BNC1: variants seen among roughly 807,000 people sequenced by gnomAD.
The protein encoded by BNC1 is zinc finger protein basonuclin-1.
In BNC1, 8 loss-of-function variants were observed where a neutral mutation model predicts 66.5. The ratio of observed to expected loss-of-function variants is 0.12; its 90% CI spans 0.07 to 0.22. The LOEUF (loss-of-function observed/expected upper bound fraction) is 0.22, where lower values mean the gene tolerates loss of function less well. BNC1 is among the 10% of genes least tolerant of loss of function. BNC1 has a pLI of 1.00. For synonymous variants in BNC1, 454 were observed against 452.6 expected (o/e 1.00, Z -0.04); for missense variants, 1,069 against 1,241.3 (o/e 0.86, Z 2.09).
intron 1 of BNC1, among the ~76,000 whole-genome samples, chr15:83,282,298 G>C (rs748649222): frequency 2.0e-5 from 3 of 152,140 alleles, no homozygotes; most frequent in Non-Finnish European, 4.4e-5. Context: ...ATAGTTTCTT[G>C]GTGAAATTAG....
At chr15:83,270,092 G>A (rs889730093) in intron 1 of BNC1, among the ~76,000 whole-genome samples, 5 of 152,230 alleles carry the variant, frequency 3.3e-5, no homozygotes, top group African/African-American at 4.8e-5. Flanking sequence ...TGGATAAGAA[G>A]TGACTGCTAG....
rs1051469468 is a variant in BNC1, at chr15:83,257,468, C to T, written c.2959G>A (p.Ala987Thr). The T allele has an allele frequency of 1.2e-6, 2 of 1,613,730 alleles. No homozygotes were observed. Among genetic ancestry groups the T allele is most frequent in the African/African-American group, 2.7e-5 (2 of 74,990 alleles). Reference protein sequence around the residue: ...SQNPNLHKSLASSPSHLQ With the variant: ...SQNPNLHKSLTSSPSHLQ ...TACTGGAGGTGACTTGGAGATGAGG[C>T]CAGGCTTTTGTGCAGGTTGGGATTC... The change falls in exon 5 of 5, where the codon GCC (alanine) becomes ACC (threonine). Residue 987 changes from alanine to threonine, a missense_variant. Ala to Thr is a moderately conservative substitution (Grantham distance 58). Coordinates refer to ENST00000345382, the MANE Select transcript of BNC1 (RefSeq NM_001717.4).
chr15:83,281,046 A>G (rs2038372881), intron 1 of BNC1, among the ~76,000 whole-genome samples: 1 of 152,182 alleles, frequency 6.6e-6, no homozygotes, highest in Non-Finnish European at 1.5e-5. Context: ...CTGTTTGCCG[A>G]TAACTAACTA....
intron 1 of BNC1, among the ~76,000 whole-genome samples, chr15:83,271,320 C>T (rs532178831): frequency 1.3e-5 from 2 of 152,168 alleles, no homozygotes; most frequent in Admixed American, 6.5e-5. Flanking sequence ...CTGTCTTCTA[C>T]GATTTATTTT....
chr15:83,279,408 A>G (rs2038356911), intron 1 of BNC1, among the ~76,000 whole-genome samples: 1 of 152,180 alleles, frequency 6.6e-6, no homozygotes, highest in African/African-American at 2.4e-5. Flanking sequence ...CAAATTAAAT[A>G]GTTTGAGTGG....
intron 3 of BNC1, among the ~76,000 whole-genome samples, chr15:83,266,495 C>A (rs761401707): frequency 6.6e-6 from 1 of 152,160 alleles, no homozygotes; most frequent in Non-Finnish European, 1.5e-5. Flanking sequence ...TCAGTAAAAT[C>A]TGATACAGAC....
chr15:83,266,002 T>C (rs1387716858), intron 3 of BNC1, among the ~76,000 whole-genome samples: 1 of 152,196 alleles, frequency 6.6e-6, no homozygotes, highest in African/African-American at 2.4e-5. Context: ...TCTAATGTAA[T>C]GGCAAGAAAA....
intron 2 of BNC1, among the ~76,000 whole-genome samples, chr15:83,267,554 T>C (rs546310763): frequency 2.0e-5 from 3 of 152,298 alleles, no homozygotes; most frequent in Non-Finnish European, 4.4e-5. Flanking sequence ...CATATGGCTA[T>C]TTACATTTAG....
At chr15:83,273,073 A>T (rs2038285036) in intron 1 of BNC1, among the ~76,000 whole-genome samples, 1 of 152,134 alleles carries the variant, frequency 6.6e-6, no homozygotes, top group Non-Finnish European at 1.5e-5. Context: ...ATTTTAAATA[A>T]TTTTGTCTAT....
intron 1 of BNC1, among the ~76,000 whole-genome samples, chr15:83,272,870 A>G (rs971620528): frequency 6.6e-6 from 1 of 152,142 alleles, no homozygotes; most frequent in Non-Finnish European, 1.5e-5. Flanking sequence ...GCTGTTCTGT[A>G]TGTACGACAT....
At chr15:83,260,200 A>C (rs772848789) in intron 4 of BNC1, among the ~76,000 whole-genome samples, 31 of 152,216 alleles carry the variant, frequency 2.0e-4, no homozygotes, top group Non-Finnish European at 3.5e-4. Flanking sequence ...GCAACAGAGC[A>C]TATGCAGAAG....
At chr15:83,260,343 A>T (rs555318178) in intron 4 of BNC1, among the ~76,000 whole-genome samples, 1 of 152,318 alleles carries the variant, frequency 6.6e-6, no homozygotes, top group Non-Finnish European at 1.5e-5. Flanking sequence ...ACATATGTTA[A>T]TATATAATTT....
At position 83,256,017 on chromosome 15, in the gene BNC1, C is replaced by CA. The variant is rs1024084378; in HGVS notation, c.*1424dup. The CA allele has an allele frequency of 1.3e-5, 2 of 152,596 alleles. No homozygotes were observed. The highest frequency in any genetic ancestry group is 4.8e-5 in the African/African-American group (2 of 41,448). 9.5% of individuals were successfully genotyped at this position (152,596 alleles called of 1,614,324 possible). A position where few individuals can be genotyped will look rare whatever the true frequency, so the allele number is the denominator to read the frequency against. On this transcript the variant is annotated 3_prime_UTR_variant, in exon 5 of 5. Transcript: ENST00000345382. ...AACTAAACAGTTGAAAGATACATTT[C>CA]ACTTTAAATAGAAACAAGTTTTAAG...
chr15:83,259,367 C>A (rs2038117750), intron 4 of BNC1, among the ~76,000 whole-genome samples: 1 of 152,136 alleles, frequency 6.6e-6, no homozygotes, highest in African/African-American at 2.4e-5. Flanking sequence ...ACACCTTCAC[C>A]AAAATAACTA....
At chr15:83,258,355 C>T (rs1304196056) in intron 4 of BNC1, among the ~76,000 whole-genome samples, 1 of 152,218 alleles carries the variant, frequency 6.6e-6, no homozygotes, top group Non-Finnish European at 1.5e-5. Flanking sequence ...AGTCTGGATA[C>T]TGAGAATATG....
chr15:83,277,468 C>A (rs1044721114), intron 1 of BNC1, among the ~76,000 whole-genome samples: 6 of 152,084 alleles, frequency 3.9e-5, no homozygotes, highest in African/African-American at 1.4e-4. Flanking sequence ...TGCCACCACA[C>A]CCGGCTAACT....
In BNC1 at chr15:83,263,776, T is replaced by C. The variant is rs1328656552; in HGVS notation, c.1475A>G (p.Tyr492Cys). The change falls in exon 4 of 5, where the codon TAC becomes TGC. Residue 492 changes from tyrosine (Y) to cysteine (C), a missense_variant. By Grantham distance (194) the Tyr-to-Cys change is radical (BLOSUM62 -2). Around this residue, in one of 7 missense-constraint regions of BNC1, gnomAD observed 657 missense variants for 715.8 expected, o/e 0.92. Coordinates refer to ENST00000345382, the MANE Select transcript of BNC1 (RefSeq NM_001717.4). ...LKTVQPVLPF[Y>C]RSPATPAEVA... ...CTCGGCAGGCGTGGCTGGACTGCGG[T>C]AGAAAGGAAGGACTGGCTGGACTGT... 1.2e-6 allele frequency: 2 copies of C among 1,614,054 alleles called. No individual in the cohort carries two copies. Among genetic ancestry groups the C allele is most frequent in the Non-Finnish European group, 1.7e-6 (2 of 1,180,018 alleles).
At chr15:83,282,737 A>G (rs2151441203) in intron 1 of BNC1, among the ~76,000 whole-genome samples, 1 of 152,332 alleles carries the variant, frequency 6.6e-6, no homozygotes, top group African/African-American at 2.4e-5. Context: ...AAATCTGCCA[A>G]ATGCTGTTTT....
intron 1 of BNC1, among the ~76,000 whole-genome samples, chr15:83,277,662 C>A (rs565179581): frequency 6.6e-6 from 1 of 152,132 alleles, no homozygotes; most frequent in African/African-American, 2.4e-5. Context: ...TTGTTGCTAA[C>A]GTGCATATCA....
Sources: gnomAD v4.1 joint callset for allele counts (sites outside exome capture counted in the v4.1 genomes callset) on GRCh38, gnomAD v4.1.1 for gene constraint, gnomAD v4.1.1 regional missense constraint, MANE v1.5 for transcripts, NCBI Gene and HGNC (gene_info 2026-07-23, HGNC 2026-07-21) for gene names.